SLC10A7: variants seen among roughly 807,000 people sequenced by gnomAD.
SLC10A7 encodes sodium/bile acid cotransporter 7.
SLC10A7 carries 29 observed loss-of-function variants against 43.2 expected under a neutral mutation model. That is an observed-to-expected ratio of 0.67 (90% confidence interval 0.50 to 0.92). SLC10A7 has a LOEUF of 0.92. SLC10A7 is among the 40% of genes least tolerant of loss of function. The pLI, the probability that SLC10A7 is intolerant of heterozygous loss-of-function variation, is 0.00. For synonymous variants in SLC10A7, 152 were observed against 144.8 expected (o/e 1.05, Z -0.35); for missense variants, 295 against 403.2 (o/e 0.73, Z 2.30).
intron 3 of SLC10A7, among the ~76,000 whole-genome samples, chr4:146,504,378 G>A (rs1214712173): frequency 6.6e-6 from 1 of 151,956 alleles, no homozygotes; most frequent in African/African-American, 2.4e-5. Flanking sequence ...AATTAGCCGG[G>A]CACAGTGGCG....
intron 7 of SLC10A7, among the ~76,000 whole-genome samples, chr4:146,299,093 T>C (rs147535889): frequency 6.9e-4 from 105 of 152,380 alleles, no homozygotes; most frequent in African/African-American, 2.5e-3. Flanking sequence ...TACTTCCTGG[T>C]CTTTTTCTTC....
At chr4:146,494,385 C>A (rs1303725096) in intron 4 of SLC10A7, among the ~76,000 whole-genome samples, 1 of 152,214 alleles carries the variant, frequency 6.6e-6, no homozygotes, top group Admixed American at 6.5e-5. Flanking sequence ...TACGTAAATA[C>A]TTCTCGCCCA....
At chr4:146,442,252 T>G (rs547542602) in intron 5 of SLC10A7, 43 of 943,518 alleles carry the variant, frequency 4.6e-5, no homozygotes, top group African/African-American at 2.3e-4. Flanking sequence ...TATATATATA[T>G]ATAGATACAA....
At chr4:146,442,409 T>A (rs1730676097) in intron 5 of SLC10A7, 1 of 1,011,538 alleles carries the variant, frequency 9.9e-7, no homozygotes, top group African/African-American at 1.7e-5. Flanking sequence ...AGCATTCCCT[T>A]TCTGACCAGC....
At chr4:146,414,196 C>T (rs1040865874) in intron 5 of SLC10A7, among the ~76,000 whole-genome samples, 1 of 152,098 alleles carries the variant, frequency 6.6e-6, no homozygotes, top group Non-Finnish European at 1.5e-5. Flanking sequence ...CCCTCCTCAA[C>T]ATGACTAGGA....
intron 5 of SLC10A7, among the ~76,000 whole-genome samples, chr4:146,389,430 T>C (rs1339614188): frequency 6.6e-6 from 1 of 152,136 alleles, no homozygotes; most frequent in Non-Finnish European, 1.5e-5. Context: ...TTCATCAGAA[T>C]CCAACCATCT....
At chr4:146,287,164 G>C (rs1229263087) in intron 9 of SLC10A7, among the ~76,000 whole-genome samples, 3 of 151,898 alleles carry the variant, frequency 2.0e-5, no homozygotes, top group Non-Finnish European at 2.9e-5. Context: ...GTCTGGAGTG[G>C]TGAGAAGGAC....
chr4:146,468,423 A>ATGGAGCAAT (rs1469735463), intron 4 of SLC10A7, among the ~76,000 whole-genome samples: 1 of 151,994 alleles, frequency 6.6e-6, no homozygotes, highest in Non-Finnish European at 1.5e-5. Context: ...ACATGAGGGC[A>ATGGAGCAAT]TGGAGCAATG....
At chr4:146,462,668 A>G (rs1473749462) in intron 4 of SLC10A7, among the ~76,000 whole-genome samples, 1 of 152,218 alleles carries the variant, frequency 6.6e-6, no homozygotes, top group East Asian at 1.9e-4. Flanking sequence ...AATTCTTATT[A>G]AGGTTATCCT....
At chr4:146,510,162 G>T in intron 2 of SLC10A7, 113 bp from the exon 3 acceptor site, 1 of 982,636 alleles carries the variant, frequency 1.0e-6, no homozygotes, top group Non-Finnish European at 1.4e-6. Context: ...TTTTTTCATA[G>T]CTAAAATTTT....
chr4:146,426,692 G>A (rs909847332), intron 5 of SLC10A7, among the ~76,000 whole-genome samples: 2 of 152,196 alleles, frequency 1.3e-5, no homozygotes, highest in South Asian at 2.1e-4. Flanking sequence ...TGGCTAATAC[G>A]GTGAAACCCC....
chr4:146,386,855 C>T (rs1056747657), intron 5 of SLC10A7, among the ~76,000 whole-genome samples: 3 of 152,104 alleles, frequency 2.0e-5, no homozygotes, highest in Non-Finnish European at 2.9e-5. Flanking sequence ...CTTAATAGTC[C>T]ATGGGCACTT....
chr4:146,513,391 A>G (rs868629370), intron 2 of SLC10A7, among the ~76,000 whole-genome samples: 1 of 152,178 alleles, frequency 6.6e-6, no homozygotes. Flanking sequence ...TTTTATTTGT[A>G]AAATATTATG....
rs1013203049 is a variant in SLC10A7, at chr4:146,461,180, T to A, written c.397-18359A>T. Among the ~76,000 whole-genome samples the A allele has an allele frequency of 2.6e-5, 4 of 152,030 alleles. No homozygotes were observed. In the East Asian group the frequency reaches 7.7e-4, roughly 29 times the overall value. ...TTATTTAAAGATGGTAAGGATTTCA[T>A]ATTAAATAAACTGTTTTAATTTAAA... On this transcript the variant is annotated intron_variant, in intron 4 of 11. Transcript: ENST00000335472.
intron 4 of SLC10A7, among the ~76,000 whole-genome samples, chr4:146,481,500 T>C (rs551781566): frequency 1.2e-4 from 19 of 152,314 alleles, no homozygotes; most frequent in Non-Finnish European, 2.4e-4. Context: ...CCCCAGAGCC[T>C]GAGTTACCAC....
chr4:146,358,128 A>T (rs1210788878), intron 5 of SLC10A7, among the ~76,000 whole-genome samples: 1 of 152,090 alleles, frequency 6.6e-6, no homozygotes. Flanking sequence ...AGGACATCAA[A>T]GATAGATTAC....
intron 6 of SLC10A7, among the ~76,000 whole-genome samples, chr4:146,322,531 C>T (rs989510666): frequency 2.6e-5 from 4 of 151,864 alleles, no homozygotes; most frequent in South Asian, 4.2e-4. Context: ...CATCCATGTC[C>T]CCCTACAAAG....
chr4:146,298,544 A>G (rs1415470131), intron 7 of SLC10A7, among the ~76,000 whole-genome samples: 1 of 152,170 alleles, frequency 6.6e-6, no homozygotes, highest in Non-Finnish European at 1.5e-5. Flanking sequence ...TTATAGGGTA[A>G]AAAGTAGGTT....
chr4:146,377,229 A>G (rs1346859177), intron 5 of SLC10A7, among the ~76,000 whole-genome samples: 1 of 152,130 alleles, frequency 6.6e-6, no homozygotes, highest in Admixed American at 6.6e-5. Context: ...CCTTTACTTT[A>G]CTTTTTACAC....
Sources: gnomAD v4.1 joint callset for allele counts (sites outside exome capture counted in the v4.1 genomes callset) on GRCh38, gnomAD v4.1.1 for gene constraint, MANE v1.5 for transcripts, NCBI Gene and HGNC (gene_info 2026-07-23, HGNC 2026-07-21) for gene names.